Variants in HERC2 observed in about 807,000 individuals in gnomAD.
HERC2 encodes E3 ubiquitin-protein ligase HERC2.
In HERC2, 102 loss-of-function variants were observed where a neutral mutation model predicts 537.7. The ratio of observed to expected loss-of-function variants is 0.19; its 90% CI spans 0.16 to 0.22. HERC2 has a LOEUF of 0.22. Among genes scored for constraint, HERC2 ranks in the 10% least tolerant of loss-of-function variants. The probability of loss-of-function intolerance (pLI) is 1.00; values close to 1 mark genes in which losing one functional copy is unlikely to be tolerated. For synonymous variants in HERC2, 2,224 were observed against 2,466.2 expected (o/e 0.90, Z 2.91); for missense variants, 4,236 against 6,198.2 (o/e 0.68, Z 10.63).
chr15:28,292,783 C>CT, intron 4 of HERC2, 105 bp downstream of exon 4: 3 of 1,190,282 alleles, frequency 2.5e-6, no homozygotes, highest in Middle Eastern at 2.8e-4. Flanking sequence ...TTTTTATTTA[C>CT]TTTTTTTAAA....
intron 4 of HERC2, among the ~76,000 whole-genome samples, chr15:28,288,067 G>A (rs1433802121): frequency 1.3e-5 from 2 of 152,032 alleles, no homozygotes; most frequent in African/African-American, 4.8e-5. Flanking sequence ...GAGACAAAGT[G>A]ATTTGTGTAG....
intron 83 of HERC2, among the ~76,000 whole-genome samples, chr15:28,127,268 G>C (rs1354216042): frequency 2.0e-5 from 3 of 152,218 alleles, no homozygotes; most frequent in Admixed American, 2.0e-4. Context: ...GTCTGTGAGA[G>C]TGAGGAGGGC....
At chr15:28,277,048 T>C (rs545997516) in intron 5 of HERC2, among the ~76,000 whole-genome samples, 4 of 152,256 alleles carry the variant, frequency 2.6e-5, no homozygotes, top group African/African-American at 9.6e-5. Flanking sequence ...GCACTCCAGC[T>C]TGTGGGCATC....
At chr15:28,184,216 C>T (rs1181061099) in intron 56 of HERC2, among the ~76,000 whole-genome samples, 1 of 152,038 alleles carries the variant, frequency 6.6e-6, no homozygotes, top group Non-Finnish European at 1.5e-5. Context: ...TTTCCATACA[C>T]ACATATATAT....
At chr15:28,191,881 G>T (rs1180865480) in intron 53 of HERC2, 80 bp downstream of exon 53, 58 of 1,299,942 alleles carry the variant, frequency 4.5e-5, no homozygotes, top group Middle Eastern at 2.3e-4. Flanking sequence ...TTTGCAGGCT[G>T]CTCAAAGTTC....
At chr15:28,255,217 C>A (rs1356483642) in intron 19 of HERC2, among the ~76,000 whole-genome samples, 2 of 152,082 alleles carry the variant, frequency 1.3e-5, no homozygotes, top group Non-Finnish European at 2.9e-5. Context: ...TGTCTGTGGT[C>A]CCTGCAAAAC....
chr15:28,139,728 A>G (rs2142224795), intron 78 of HERC2, among the ~76,000 whole-genome samples: 1 of 152,290 alleles, frequency 6.6e-6, no homozygotes, highest in African/African-American at 2.4e-5. Context: ...TTTGTTTAAT[A>G]TGAGAAAACC....
chr15:28,177,237 CA>C lies in HERC2; in HGVS notation c.9255-111del. 7.8e-7 allele frequency: 1 copy of C among 1,286,802 alleles called. No individual in the cohort carries two copies. Among genetic ancestry groups the C allele is most frequent in the South Asian group, 1.4e-5 (1 of 69,944 alleles). 79.7% of individuals were successfully genotyped at this position (1,286,802 alleles called of 1,614,324 possible). A position where few individuals can be genotyped will look rare whatever the true frequency, so the allele number is the denominator to read the frequency against. ...TGTAGTCAACACAGGATCCACAGATCAACTATCAAAACTTAAAGCAGAACCG... is the reference window on the plus strand; with the variant it reads ...TGTAGTCAACACAGGATCCACAGATCACTATCAAAACTTAAAGCAGAACCG... On this transcript the variant is annotated intron_variant, in intron 60 of 92. Transcript: ENST00000261609. This position sits in a 1 kb window ranked among gnomAD's most constrained non-coding sequence, Gnocchi z 5.0.
chr15:28,152,804 A>G lies in HERC2; in HGVS notation c.10773T>C (p.Cys3591=). The G allele has an allele frequency of 6.4e-7, 1 of 1,559,816 alleles. No homozygotes were observed. Among genetic ancestry groups the G allele is most frequent in the Non-Finnish European group, 8.7e-7 (1 of 1,151,210 alleles). ...PQVADMLLEL[C]VTELEDVATD... is the part of the protein sequence containing the mutation. Reference sequence around the variant, plus strand: ...TGGCCACATCCTCCAACTCGGTGACACAGAGCTCCAACAGCATATCTGCCA... The same window carrying G: ...TGGCCACATCCTCCAACTCGGTGACGCAGAGCTCCAACAGCATATCTGCCA... Residue 3591 remains cysteine, a synonymous_variant, in exon 70 of 93, where the codon TGT becomes TGC. Transcript: ENST00000261609.
chr15:28,114,993 C>A (rs114448863), intron 89 of HERC2, among the ~76,000 whole-genome samples, 191 bp from the exon 90 acceptor site: 1 of 151,916 alleles, frequency 6.6e-6, no homozygotes, highest in Non-Finnish European at 1.5e-5. Flanking sequence ...AGGAGCTGAA[C>A]GAAGAATTCA....
chr15:28,167,608 A>C, intron 68 of HERC2, 79 bp downstream of exon 68: 1 of 1,532,582 alleles, frequency 6.5e-7, no homozygotes, highest in South Asian at 1.1e-5. Context: ...ACTGTGTTCC[A>C]CTCCTAAGTT....
At chr15:28,290,059 T>C (rs770905137) in intron 4 of HERC2, among the ~76,000 whole-genome samples, 2 of 152,174 alleles carry the variant, frequency 1.3e-5, no homozygotes, top group Non-Finnish European at 2.9e-5. Context: ...CCCACATCTC[T>C]CCCCACTTTG....
chr15:28,214,603 C>T (rs376212338), intron 40 of HERC2, 52 bp downstream of exon 40: 8 of 1,595,220 alleles, frequency 5.0e-6, no homozygotes, highest in Middle Eastern at 2.3e-4. Flanking sequence ...ACCTGAGTGA[C>T]GGCACTGCGC....
chr15:28,301,180 T>G (rs2076613606), intron 2 of HERC2, among the ~76,000 whole-genome samples: 1 of 151,766 alleles, frequency 6.6e-6, no homozygotes, highest in African/African-American at 2.4e-5. Flanking sequence ...TTTGGGAGGC[T>G]GAGGCGGGCA....
chr15:28,194,278 G>C (rs1370059113), intron 52 of HERC2, among the ~76,000 whole-genome samples: 2 of 146,080 alleles, frequency 1.4e-5, no homozygotes, highest in Non-Finnish European at 3.0e-5. Context: ...TGTTAGCCAG[G>C]ATGGTCTCGA....
chr15:28,178,754 T>G, intron 59 of HERC2, 133 bp downstream of exon 59: 2 of 1,023,392 alleles, frequency 2.0e-6, no homozygotes, highest in South Asian at 1.9e-5. Context: ...CCTAGAGATT[T>G]ACATTATCCA....
chr15:28,149,379 G>C (rs763621842), intron 70 of HERC2, among the ~76,000 whole-genome samples: 1 of 149,660 alleles, frequency 6.7e-6, no homozygotes, highest in Non-Finnish European at 1.5e-5. Flanking sequence ...GCTCCTAACC[G>C]AGAACGTCAC....
intron 52 of HERC2, among the ~76,000 whole-genome samples, chr15:28,194,581 A>C (rs1397642862): frequency 6.6e-6 from 1 of 151,496 alleles, no homozygotes; most frequent in Non-Finnish European, 1.5e-5. Context: ...CAAAAAAAAC[A>C]AAACAAAACA....
chr15:28,304,712 T>TC (rs1389662220), intron 2 of HERC2, among the ~76,000 whole-genome samples: 1 of 150,844 alleles, frequency 6.6e-6, no homozygotes, highest in Non-Finnish European at 1.5e-5. Context: ...ATTTTTTTTT[T>TC]TTTTTTTTTT....
Sources: allele counts gnomAD v4.1 joint callset (sites outside exome capture counted in the v4.1 genomes callset), GRCh38; gene constraint gnomAD v4.1.1; non-coding constraint Gnocchi (gnomAD v3.1); transcripts MANE v1.5; gene names NCBI Gene and HGNC (gene_info 2026-07-23, HGNC 2026-07-21).